OTUD7A: variants seen among roughly 807,000 people sequenced by gnomAD.
OTUD7A encodes the protein OTU domain-containing protein 7A.
Under a neutral mutation model 65.7 loss-of-function variants are expected in OTUD7A, and 12 were observed. The ratio of observed to expected loss-of-function variants is 0.18; its 90% confidence interval spans 0.12 to 0.30. The LOEUF is 0.30. Ranked by LOEUF, OTUD7A falls within the 10% of genes least tolerant of loss-of-function variation. OTUD7A has a pLI of 1.00. For synonymous variants in OTUD7A, 641 were observed against 586.3 expected (o/e 1.09, Z -1.35); for missense variants, 1,148 against 1,304.8 (o/e 0.88, Z 1.85).
chr15:31,791,339 C>G (rs138873054), intron 1 of OTUD7A, among the ~76,000 whole-genome samples: 3 of 152,276 alleles, frequency 2.0e-5, no homozygotes, highest in African/African-American at 7.2e-5. Flanking sequence ...TAATAGTCAT[C>G]TTAAGGGAGT....
At chr15:31,785,511 C>A (rs1395968954) in intron 1 of OTUD7A, among the ~76,000 whole-genome samples, 1 of 152,186 alleles carries the variant, frequency 6.6e-6, no homozygotes, top group Non-Finnish European at 1.5e-5. Flanking sequence ...CCCACACCTT[C>A]CACAACCTTC....
intron 3 of OTUD7A, among the ~76,000 whole-genome samples, chr15:31,653,147 G>C (rs1200854602): frequency 6.6e-6 from 1 of 151,868 alleles, no homozygotes; most frequent in Non-Finnish European, 1.5e-5. Flanking sequence ...TACTCAGGAG[G>C]CTGAGGCAGG....
chr15:31,743,024 A>T (rs576112812), intron 1 of OTUD7A, among the ~76,000 whole-genome samples: 2 of 152,294 alleles, frequency 1.3e-5, no homozygotes, highest in African/African-American at 4.8e-5. Flanking sequence ...TTTGATGTCT[A>T]TTTCTAAAGG....
chr15:31,628,523 G>T (rs1222509602), intron 3 of OTUD7A, among the ~76,000 whole-genome samples: 2 of 152,186 alleles, frequency 1.3e-5, no homozygotes, highest in African/African-American at 4.8e-5. Flanking sequence ...AAGTCAGGTA[G>T]GGTGATGCCT....
At chr15:31,831,695 A>G (rs1896935322) in intron 1 of OTUD7A, among the ~76,000 whole-genome samples, 1 of 152,254 alleles carries the variant, frequency 6.6e-6, no homozygotes, top group African/African-American at 2.4e-5. Flanking sequence ...GAACGTTCAC[A>G]GTAGCCTTAT....
At chr15:31,502,665 T>C (rs537273123) in intron 9 of OTUD7A, among the ~76,000 whole-genome samples, 30 of 152,298 alleles carry the variant, frequency 2.0e-4, no homozygotes, top group African/African-American at 6.7e-4. Context: ...GTGAGTAGCA[T>C]GGTAGGAAGC....
At chr15:31,755,550 T>C (rs1029650537) in intron 1 of OTUD7A, among the ~76,000 whole-genome samples, 1 of 151,918 alleles carries the variant, frequency 6.6e-6, no homozygotes, top group African/African-American at 2.4e-5. Flanking sequence ...TGAAACCCCG[T>C]CTCTACTAAA....
intron 4 of OTUD7A, among the ~76,000 whole-genome samples, chr15:31,559,838 GCACACA>G (rs562200732): frequency 6.6e-6 from 1 of 152,126 alleles, no homozygotes; most frequent in Non-Finnish European, 1.5e-5. Flanking sequence ...ATACATGTGT[GCACACA>G]CATACACATG....
At position 31,790,808 on chromosome 15, in the gene OTUD7A, C is replaced by T. The variant is rs1363626917; in HGVS notation, c.-100+79699G>A. Among the ~76,000 whole-genome samples, 4 of 152,270 alleles carry T rather than the reference C, an allele frequency of 2.6e-5. No homozygotes were observed. The East Asian group carries it at 7.7e-4, about 29-fold the overall frequency. On this transcript the variant is annotated intron_variant, in intron 1 of 12. Transcript: ENST00000307050. ...GCTATAGATGCTGCCTCATGATGGG[C>T]CCCAGAGCATGCAGGAGAGGCTGCC...
In OTUD7A at chr15:31,481,010, G is replaced by A. The variant is rs2141054916; in HGVS notation, c.*2284C>T. On this transcript the variant is annotated 3_prime_UTR_variant, in exon 13 of 13. Transcript: ENST00000307050. ...TGGTGTTTTGATAATTACGTACTCT[G>A]CCTGGTTTGGAAGGTTTTCCTCTAT... 6.6e-6 allele frequency: 1 copy of A among 152,320 alleles called. No individual in the cohort carries two copies. Among genetic ancestry groups the A allele is most frequent in the East Asian group, 1.9e-4 (1 of 5,184 alleles). 9.4% of individuals were successfully genotyped at this position (152,320 alleles called of 1,614,324 possible).
At chr15:31,771,337 A>G (rs1895229794) in intron 1 of OTUD7A, among the ~76,000 whole-genome samples, 2 of 152,186 alleles carry the variant, frequency 1.3e-5, no homozygotes. Context: ...CTCAAACTTA[A>G]TATGCCAGAT....
At chr15:31,722,875 G>A (rs1893778602) in intron 1 of OTUD7A, among the ~76,000 whole-genome samples, 1 of 152,238 alleles carries the variant, frequency 6.6e-6, no homozygotes, top group African/African-American at 2.4e-5. Context: ...TGTCAAAAAG[G>A]AAAGTTCTGA....
chr15:31,500,017 C>T (rs774228827), intron 10 of OTUD7A, among the ~76,000 whole-genome samples: 5 of 152,162 alleles, frequency 3.3e-5, no homozygotes, highest in African/African-American at 4.8e-5. Flanking sequence ...GTGCCTTTTG[C>T]GAGGAGGGGG....
intron 1 of OTUD7A, among the ~76,000 whole-genome samples, chr15:31,660,003 G>A (rs1327507418): frequency 6.6e-6 from 1 of 152,280 alleles, no homozygotes; most frequent in Admixed American, 6.5e-5. Flanking sequence ...CTGCCTCTTA[G>A]AATTGCAGTA....
chr15:31,560,471 A>C (rs1048128180), intron 4 of OTUD7A, among the ~76,000 whole-genome samples: 1 of 152,258 alleles, frequency 6.6e-6, no homozygotes, highest in Non-Finnish European at 1.5e-5. Context: ...TATCTTCTTG[A>C]TGCTGCAAAA....
At chr15:31,690,316 T>C (rs573051792) in intron 1 of OTUD7A, among the ~76,000 whole-genome samples, 25 of 152,134 alleles carry the variant, frequency 1.6e-4, no homozygotes, top group Non-Finnish European at 2.8e-4. Context: ...CACGAATAAT[T>C]TGCATATCTC....
chr15:31,526,265 C>A (rs1378062388), intron 8 of OTUD7A, 84 bp downstream of exon 8: 2 of 1,302,262 alleles, frequency 1.5e-6, no homozygotes, highest in Admixed American at 2.4e-5. Context: ...ACATTCCCCC[C>A]CGTGCCATCC....
rs112590360 is a variant in OTUD7A at position 31,530,349 on chromosome 15, C to T, written c.652+358G>A. Among the ~76,000 whole-genome samples the T allele has an allele frequency of 3.9e-3, 594 of 152,316 alleles. 5 individuals carry two copies. The highest frequency in any genetic ancestry group is 0.014 in the African/African-American group (570 of 41,556). On this transcript the variant is annotated intron_variant, in intron 6 of 12. Coordinates refer to ENST00000307050, the MANE Select transcript of OTUD7A (RefSeq NM_001382637.1). ...CTGCAGGGTCTCCCTGCCTGCAATG[C>T]CCTCTTCTAGTCTCTCAAGTTCTTC...
At chr15:31,637,994 A>C (rs1214514844) in intron 3 of OTUD7A, among the ~76,000 whole-genome samples, 1 of 152,246 alleles carries the variant, frequency 6.6e-6, no homozygotes, top group Non-Finnish European at 1.5e-5. Context: ...GCATTTGATA[A>C]AGCAGCAGCA....
Sources: gnomAD v4.1 joint callset for allele counts (sites outside exome capture counted in the v4.1 genomes callset) on GRCh38, gnomAD v4.1.1 for gene constraint, MANE v1.5 for transcripts, NCBI Gene and HGNC (gene_info 2026-07-23, HGNC 2026-07-21) for gene names.